RC3H2: variants seen among roughly 807,000 people sequenced by gnomAD.
RC3H2 encodes the protein ring finger and CCCH-type domains 2.
In RC3H2, 31 loss-of-function variants were observed where a neutral mutation model predicts 133.3. The ratio of observed to expected loss-of-function variants is 0.23; its 90% CI spans 0.17 to 0.31. The LOEUF is 0.31. Among genes scored for constraint, RC3H2 ranks in the 10% least tolerant of loss-of-function variants. The pLI is 1.00. For synonymous variants in RC3H2, 517 were observed against 502.2 expected (o/e 1.03, Z -0.40); for missense variants, 1,175 against 1,437.2 (o/e 0.82, Z 2.95).
At chr9:122,862,332 C>T (rs2131401593) in intron 10 of RC3H2, among the ~76,000 whole-genome samples, 1 of 152,282 alleles carries the variant, frequency 6.6e-6, no homozygotes, top group East Asian at 1.9e-4. Flanking sequence ...TCCTAGTGAG[C>T]ATGAGATCAC....
At chr9:122,894,242 G>C (rs1164805034) in intron 2 of RC3H2, among the ~76,000 whole-genome samples, 1 of 151,172 alleles carries the variant, frequency 6.6e-6, no homozygotes, top group East Asian at 1.9e-4. Flanking sequence ...CTGGGCGACA[G>C]AGCAAGACTC....
chr9:122,876,277 GAA>G (rs1227952294), intron 9 of RC3H2, among the ~76,000 whole-genome samples: 1 of 152,128 alleles, frequency 6.6e-6, no homozygotes, highest in Non-Finnish European at 1.5e-5. Context: ...AGGTATGGGA[GAA>G]AATTAGCTCA....
At chr9:122,892,864 C>G in intron 3 of RC3H2, 45 bp downstream of exon 3, 1 of 1,447,260 alleles carries the variant, frequency 6.9e-7, no homozygotes, top group Middle Eastern at 1.7e-4. Context: ...AGTAAATGTA[C>G]TACCAAGTCC....
intron 12 of RC3H2, 118 bp downstream of exon 12, chr9:122,858,551 C>G: frequency 1.3e-6 from 1 of 773,986 alleles, no homozygotes; most frequent in South Asian, 1.8e-5. Flanking sequence ...ATAGGGAGGT[C>G]AAGTAACTTC....
intron 13 of RC3H2, among the ~76,000 whole-genome samples, chr9:122,856,564 A>G (rs1225262914): frequency 4.6e-5 from 7 of 152,208 alleles, no homozygotes; most frequent in Admixed American, 6.5e-5. Context: ...TGAGTTTATA[A>G]TTTTCTTGAG....
chr9:122,865,167 G>A (rs988567295), intron 10 of RC3H2, among the ~76,000 whole-genome samples, 182 bp downstream of exon 10: 6 of 152,108 alleles, frequency 3.9e-5, no homozygotes, highest in Non-Finnish European at 2.9e-5. Flanking sequence ...AGTTCACAGG[G>A]CTATTCAGTT....
intron 2 of RC3H2, among the ~76,000 whole-genome samples, chr9:122,896,603 TTTA>T (rs1286638754): frequency 9.2e-5 from 14 of 152,156 alleles, no homozygotes; most frequent in African/African-American, 3.4e-4. Flanking sequence ...TACATTGAAA[TTTA>T]TTTTTTACAC....
chr9:122,875,073 A>G, intron 9 of RC3H2: 2 of 1,227,924 alleles, frequency 1.6e-6, no homozygotes, highest in Non-Finnish European at 2.1e-6. Context: ...GGACAAGCTG[A>G]ATGTATTTCC....
At chr9:122,884,119 C>T (rs1302265205) in intron 4 of RC3H2, among the ~76,000 whole-genome samples, 1 of 152,016 alleles carries the variant, frequency 6.6e-6, no homozygotes, top group Non-Finnish European at 1.5e-5. Flanking sequence ...ATGGTGAAAC[C>T]CCGCCTCTAC....
intron 9 of RC3H2, among the ~76,000 whole-genome samples, chr9:122,876,887 A>G (rs1225970043): frequency 6.6e-6 from 1 of 152,196 alleles, no homozygotes; most frequent in East Asian, 1.9e-4. Flanking sequence ...AAGGATATAT[A>G]TCTGCTTTAC....
At chr9:122,893,275 C>T (rs747694266) in intron 2 of RC3H2, among the ~76,000 whole-genome samples, 2 of 152,286 alleles carry the variant, frequency 1.3e-5, no homozygotes, top group Middle Eastern at 3.4e-3. Context: ...AGCAGATTAA[C>T]TTAAGTTAGG....
At chr9:122,887,983 G>T (rs1215045394) in intron 4 of RC3H2, among the ~76,000 whole-genome samples, 1 of 152,048 alleles carries the variant, frequency 6.6e-6, no homozygotes, top group Non-Finnish European at 1.5e-5. Context: ...GACCTCAGGT[G>T]ATCCACCCGC....
At chr9:122,855,537 AC>A in intron 14 of RC3H2, 140 bp from the exon 15 acceptor site, 1 of 928,876 alleles carries the variant, frequency 1.1e-6, no homozygotes, top group African/African-American at 1.7e-5. Context: ...CCAACAAACT[AC>A]CAGTAAACCA....
chr9:122,858,963 A>C lies in RC3H2; in HGVS notation c.1989T>G (p.Pro663=). ...AAGGAGAAGAATTCATTCGATCTCG[A>C]GGGGAAAATGTACTGTAATGATCGG... ...PYADHYSTFS[P]RDRMNSSPYQ... The change falls in exon 12 of 21, where the codon CCT becomes CCG. Residue 663 remains proline, a synonymous_variant. Coordinates refer to ENST00000357244, the MANE Select transcript of RC3H2 (RefSeq NM_001100588.3). 6.2e-7 allele frequency: 1 copy of C among 1,614,174 alleles called. No individual in the cohort carries two copies. The highest frequency in any genetic ancestry group is 8.5e-7 in the Non-Finnish European group (1 of 1,180,006).
At chr9:122,897,768 C>T in intron 1 of RC3H2, 192 bp from the exon 2 acceptor site, 1 of 426,234 alleles carries the variant, frequency 2.3e-6, no homozygotes, top group Non-Finnish European at 4.2e-6. Flanking sequence ...GAAACAATAC[C>T]TTAATAGTGT....
chr9:122,905,291 C>A lies in RC3H2; in HGVS notation c.-249G>T. ...GGCGGCGAAGGCCGCGACGGGGCCT[C>A]CTCCTCCTCCCTCCACCTCCGCCTC... On this transcript the variant is annotated 5_prime_UTR_variant, in exon 1 of 21. Coordinates refer to ENST00000357244, the MANE Select transcript of RC3H2 (RefSeq NM_001100588.3). The A allele has an allele frequency of 6.1e-6, 6 of 982,338 alleles. No individual in the cohort carries two copies. Among genetic ancestry groups the A allele is most frequent in the Non-Finnish European group, 7.2e-6 (6 of 827,854 alleles). The allele number at this position is 982,338 out of a possible 1,614,324, so 60.9% of individuals were successfully genotyped here. A position where few individuals can be genotyped will look rare whatever the true frequency, so the allele number is the denominator to read the frequency against.
chr9:122,864,215 T>C (rs1253960982), intron 10 of RC3H2, among the ~76,000 whole-genome samples: 1 of 152,208 alleles, frequency 6.6e-6, no homozygotes, highest in African/African-American at 2.4e-5. Context: ...AACATCAACA[T>C]ATTGATGAAT....
At position 122,855,389 on chromosome 9, in the gene RC3H2, G is replaced by C. The variant is rs141237981; in HGVS notation, c.2610C>G (p.Asp870Glu). ...ANSNAVLMDL[D>E]SGDVKRRVHL... ...GTACTCTTCTCTTAACATCACCACT[G>C]TCCAGGTCCTATGTAAACCAAAGAA... Residue 870 changes from aspartate (D) to glutamate (E), a missense_variant, in exon 15 of 21, where the codon GAC becomes GAG. Coordinates refer to ENST00000357244, the MANE Select transcript of RC3H2 (RefSeq NM_001100588.3). 1.7e-4 allele frequency: 277 copies of C among 1,612,776 alleles called. 1 individual carries two copies. In the African/African-American group the frequency reaches 1.8e-3, roughly 10 times the overall value.
chr9:122,895,791 A>C (rs1359087528), intron 2 of RC3H2, among the ~76,000 whole-genome samples: 1 of 152,196 alleles, frequency 6.6e-6, no homozygotes, highest in African/African-American at 2.4e-5. Flanking sequence ...ACAGAATTTC[A>C]TCTCTTCCTA....
Sources: gnomAD v4.1 joint callset for allele counts (sites outside exome capture counted in the v4.1 genomes callset) on GRCh38, gnomAD v4.1.1 for gene constraint, MANE v1.5 for transcripts, NCBI Gene and HGNC (gene_info 2026-07-23, HGNC 2026-07-21) for gene names.